Variants in MYOM1 observed in about 807,000 individuals in gnomAD.
The protein encoded by MYOM1 is myomesin 1.
Under a neutral mutation model 205.3 loss-of-function variants are expected in MYOM1, and 164 were observed. That is an observed-to-expected ratio of 0.80 (90% CI 0.70 to 0.91). The LOEUF is 0.91. Among genes scored for constraint, MYOM1 ranks in the 40% least tolerant of loss-of-function variants. The pLI, the probability that MYOM1 is intolerant of heterozygous loss-of-function variation, is 0.00. For synonymous variants in MYOM1, 772 were observed against 789.4 expected, an observed-to-expected ratio of 0.98 and a Z score of 0.37; for missense variants, 2,011 against 2,127.3, an observed-to-expected ratio of 0.95 and a Z score of 1.08.
At chr18:3,136,638 A>C (rs2143917598) in intron 14 of MYOM1, among the ~76,000 whole-genome samples, 1 of 152,070 alleles carries the variant, frequency 6.6e-6, no homozygotes, top group East Asian at 1.9e-4. Flanking sequence ...CATGTTGCCT[A>C]GGCTGGTCTC....
At chr18:3,168,456 T>C (rs1006487084) in intron 9 of MYOM1, among the ~76,000 whole-genome samples, 3 of 152,162 alleles carry the variant, frequency 2.0e-5, no homozygotes, top group Non-Finnish European at 4.4e-5. Flanking sequence ...GCCTGGCTAA[T>C]TTTCGTATTT....
At chr18:3,160,034 TTCCTCCTCCTTCTCCTCC>T (rs1320801645) in intron 10 of MYOM1, among the ~76,000 whole-genome samples, 2 of 149,206 alleles carry the variant, frequency 1.3e-5, no homozygotes, top group Non-Finnish European at 3.0e-5. Flanking sequence ...CCTTCTCCTC[TTCCTCCTCCTTCTCCTCC>T]TCCTCCTCCT....
intron 34 of MYOM1, among the ~76,000 whole-genome samples, chr18:3,078,973 C>CTTTT (rs11408756): frequency 1.6e-4 from 17 of 105,850 alleles, no homozygotes; most frequent in Admixed American, 3.4e-4. Context: ...TACCCAGCTA[C>CTTTT]TTTTTTTTTT....
chr18:3,227,587 G>A, the MYOM1 span, among the ~76,000 whole-genome samples: 2 of 152,124 alleles, frequency 1.3e-5, no homozygotes, highest in South Asian at 2.1e-4. Flanking sequence ...GGGAGACCGA[G>A]GTGGGCGAGT....
At chr18:3,080,001 T>TA (rs1339106633) in intron 33 of MYOM1, among the ~76,000 whole-genome samples, 1 of 152,144 alleles carries the variant, frequency 6.6e-6, no homozygotes, top group African/African-American at 2.4e-5. Flanking sequence ...TATTAGGAAA[T>TA]ACAACCCTTT....
rs570730033 is a variant in MYOM1 at position 3,215,718 on chromosome 18, G to A, written c.-28-467C>T. On this transcript the variant is annotated intron_variant, in intron 1 of 37. Coordinates refer to ENST00000356443, the MANE Select transcript of MYOM1 (RefSeq NM_003803.4). ...ACTCTCCACTTCATAGCCCAGATATGCCCCTCCTGTCATTGTACCTTTTTT... is the reference window on the plus strand; with the variant it reads ...ACTCTCCACTTCATAGCCCAGATATACCCCTCCTGTCATTGTACCTTTTTT... Among the ~76,000 whole-genome samples the A allele has an allele frequency of 4.0e-3, 601 of 152,088 alleles. 2 individuals carry two copies. Among genetic ancestry groups the A allele is most frequent in the Non-Finnish European group, 6.0e-3 (407 of 67,974 alleles).
intron 5 of MYOM1, among the ~76,000 whole-genome samples, chr18:3,183,649 C>T (rs1295015338): frequency 6.6e-6 from 1 of 152,144 alleles, no homozygotes; most frequent in East Asian, 1.9e-4. Flanking sequence ...AAATTTACTC[C>T]TTTAATAAAC....
chr18:3,206,876 T>C (rs1043711545), intron 2 of MYOM1, among the ~76,000 whole-genome samples: 2 of 152,216 alleles, frequency 1.3e-5, no homozygotes, highest in African/African-American at 2.4e-5. Flanking sequence ...ACAGGTAGCG[T>C]CATAATAAAT....
rs11081024 is a variant in MYOM1, at chr18:3,219,311, C to T, written c.-29+492G>A. ...AACCATTTGAGGCCATATCATTGTG[C>T]GCGCTCACATTTATCCACATTGCAT... On this transcript the variant is annotated intron_variant, in intron 1 of 37. Transcript: ENST00000356443. The surrounding 1 kb of genome is among the most constrained non-coding windows in gnomAD (Gnocchi z 4.4). 8.3e-3 allele frequency among the ~76,000 whole-genome samples: 1,264 copies of T among 152,082 alleles called. 10 individuals are homozygous for T. The highest frequency in any genetic ancestry group is 0.034 in the Middle Eastern group (10 of 292).
chr18:3,148,272 A>G (rs2080158441), intron 13 of MYOM1, among the ~76,000 whole-genome samples: 1 of 152,254 alleles, frequency 6.6e-6, no homozygotes, highest in East Asian at 1.9e-4. Context: ...ATGTCCACAG[A>G]AACAGTTAAG....
At chr18:3,146,686 CT>C (rs2080127152) in intron 13 of MYOM1, among the ~76,000 whole-genome samples, 1 of 152,040 alleles carries the variant, frequency 6.6e-6, no homozygotes, top group African/African-American at 2.4e-5. Flanking sequence ...AGACTGAATG[CT>C]TTCCCCCTGA....
rs1179193169 is a variant in MYOM1 at position 3,094,258 on chromosome 18, T to G, written c.3776A>C (p.Gln1259Pro). The change falls in exon 26 of 38, where the codon CAG (glutamine) becomes CCG (proline). Residue 1259 changes from glutamine (Q) to proline (P), a missense_variant. Coordinates refer to ENST00000356443, the MANE Select transcript of MYOM1 (RefSeq NM_003803.4). ...CTCAGCCTGCATCCAAAACCGGACC[T>G]GGCCTTTCTCCAAAATTTCAACTGC... ...ELAVEILEKG[Q>P]VRFWMQAEKL... 6.2e-7 allele frequency: 1 copy of G among 1,613,784 alleles called. No homozygotes were observed. The highest frequency in any genetic ancestry group is 2.2e-5 in the East Asian group (1 of 44,896).
In MYOM1 at chr18:3,176,105, T is replaced by C. The variant is rs531732752; in HGVS notation, c.959A>G (p.His320Arg). 3 of 1,609,266 alleles carry C rather than the reference T, an allele frequency of 1.9e-6. No homozygotes were observed. Among genetic ancestry groups the C allele is most frequent in the East Asian group, 2.2e-5 (1 of 44,872 alleles). The change falls in exon 6 of 38, where the codon CAT (histidine) becomes CGT (arginine). Residue 320 changes from histidine (H) to arginine (R), a missense_variant. By Grantham distance (29) the His-to-Arg change is conservative. Coordinates refer to ENST00000356443, the MANE Select transcript of MYOM1 (RefSeq NM_003803.4). Reference protein sequence around the residue: ...WYKNQVPINVHANPGKYIIES... With the variant: ...WYKNQVPINVRANPGKYIIES... ...AATAATATACTTTCCAGGGTTTGCA[T>C]GGACATTTATTGGCACCTGGTTTTT...
At chr18:3,202,034 T>G (rs751812663) in intron 2 of MYOM1, among the ~76,000 whole-genome samples, 10 of 152,210 alleles carry the variant, frequency 6.6e-5, no homozygotes, top group Non-Finnish European at 1.5e-4. Context: ...TGTAATATAC[T>G]TGACAACAGT....
chr18:3,108,539 A>G (rs1268358969), intron 22 of MYOM1, among the ~76,000 whole-genome samples: 3 of 147,618 alleles, frequency 2.0e-5, no homozygotes, highest in Admixed American at 2.0e-4. Context: ...CCTATAAAGC[A>G]ATGACAGCAT....
chr18:3,169,110 G>T, intron 8 of MYOM1, 129 bp from the exon 9 acceptor site: 1 of 782,768 alleles, frequency 1.3e-6, no homozygotes, highest in Non-Finnish European at 2.0e-6. Flanking sequence ...GATTTAACTG[G>T]GTCAAAATGA....
intron 21 of MYOM1, 89 bp downstream of exon 21, chr18:3,116,242 G>A (rs1343057067): frequency 2.7e-5 from 36 of 1,352,754 alleles, no homozygotes; most frequent in East Asian, 2.5e-4. Context: ...AGATCAAAGC[G>A]GAGATATTCT....
chr18:3,081,095 C>T (rs987927940), intron 33 of MYOM1, among the ~76,000 whole-genome samples: 8 of 150,728 alleles, frequency 5.3e-5, no homozygotes, highest in Non-Finnish European at 8.8e-5. Flanking sequence ...CACGCCACTG[C>T]ACTCCAGCCT....
intron 10 of MYOM1, among the ~76,000 whole-genome samples, chr18:3,160,279 T>C (rs964545260): frequency 6.6e-6 from 1 of 151,990 alleles, no homozygotes; most frequent in African/African-American, 2.4e-5. Flanking sequence ...CCTCGACCTC[T>C]TGGGCTCAAG....
Sources: gnomAD v4.1 joint callset for allele counts (sites outside exome capture counted in the v4.1 genomes callset) on GRCh38, gnomAD v4.1.1 for gene constraint, Gnocchi (gnomAD v3.1) non-coding constraint, MANE v1.5 for transcripts, NCBI Gene and HGNC (gene_info 2026-07-23, HGNC 2026-07-21) for gene names.